Variants in RAD18 observed in about 807,000 individuals in gnomAD.
RAD18 encodes the protein E3 ubiquitin-protein ligase RAD18.
Under a neutral mutation model 60.4 loss-of-function variants are expected in RAD18, and 47 were observed. The ratio of observed to expected loss-of-function variants is 0.78; its 90% CI spans 0.62 to 0.99. The LOEUF (loss-of-function observed/expected upper bound fraction) is 0.99. Among genes scored for constraint, RAD18 ranks in the 50% least tolerant of loss-of-function variants. RAD18 has a pLI of 0.00. For synonymous variants in RAD18, 225 were observed against 195.5 expected, an observed-to-expected ratio of 1.15 and a Z score of -1.26; for missense variants, 640 against 593.3, an observed-to-expected ratio of 1.08 and a Z score of -0.82.
chr3:8,935,308 C>T (rs920363345), intron 7 of RAD18, among the ~76,000 whole-genome samples: 1 of 152,132 alleles, frequency 6.6e-6, no homozygotes, highest in Non-Finnish European at 1.5e-5. Flanking sequence ...CTAAATAGTG[C>T]ACTACACAGA....
At chr3:8,913,762 T>C (rs779473667) in intron 7 of RAD18, 42 bp from the exon 8 acceptor site, 1 of 1,278,390 alleles carries the variant, frequency 7.8e-7, no homozygotes, top group East Asian at 2.4e-5. Context: ...ATCACATGTC[T>C]TTTTTAATCA....
chr3:8,956,217 C>T lies in RAD18; in HGVS notation c.133+2703G>A, dbSNP rs368013639. Among the ~76,000 whole-genome samples the T allele has an allele frequency of 5.3e-5, 8 of 152,114 alleles. No homozygotes were observed. The South Asian group carries it at 1.7e-3, about 32-fold the overall frequency. On this transcript the variant is annotated intron_variant, in intron 2 of 12. Transcript: ENST00000264926. Reference sequence around the variant, plus strand: ...TTTTATGGTTTCTCTTTGTCATATCCGAATTGCCAGCATCATTACTCTTGT... The same window carrying T: ...TTTTATGGTTTCTCTTTGTCATATCTGAATTGCCAGCATCATTACTCTTGT...
chr3:8,940,388 A>T (rs1254278186), intron 5 of RAD18, among the ~76,000 whole-genome samples: 1 of 152,228 alleles, frequency 6.6e-6, no homozygotes, highest in Admixed American at 6.5e-5. Context: ...AAGCTAAAAA[A>T]TACTACAATA....
intron 1 of RAD18, among the ~76,000 whole-genome samples, chr3:8,960,412 G>C (rs1457759965): frequency 6.6e-6 from 1 of 152,154 alleles, no homozygotes; most frequent in Non-Finnish European, 1.5e-5. Flanking sequence ...AACATGGTAA[G>C]AAGGAGACTT....
intron 7 of RAD18, among the ~76,000 whole-genome samples, chr3:8,932,462 CACT>C (rs1275979234): frequency 1.1e-4 from 17 of 152,208 alleles, no homozygotes; most frequent in Middle Eastern, 6.8e-3. Context: ...CATGAGATAC[CACT>C]ACTACACATT....
At chr3:8,958,543 T>A (rs1941047118) in intron 2 of RAD18, among the ~76,000 whole-genome samples, 1 of 152,238 alleles carries the variant, frequency 6.6e-6, no homozygotes, top group African/African-American at 2.4e-5. Context: ...TACAGATTTT[T>A]AAACTTTGAA....
chr3:8,906,961 C>T (rs1435988955), intron 9 of RAD18, among the ~76,000 whole-genome samples: 10 of 152,238 alleles, frequency 6.6e-5, no homozygotes. Context: ...GGCTTTGTTA[C>T]TGATTTCTAA....
At chr3:8,940,246 C>T (rs1002780035) in intron 5 of RAD18, among the ~76,000 whole-genome samples, 2 of 151,978 alleles carry the variant, frequency 1.3e-5, no homozygotes, top group Admixed American at 1.3e-4. Context: ...GCCTACAGAC[C>T]ACCATGGATA....
At chr3:8,896,649 G>A (rs1939790197) in intron 11 of RAD18, among the ~76,000 whole-genome samples, 1 of 152,136 alleles carries the variant, frequency 6.6e-6, no homozygotes, top group Admixed American at 6.5e-5. Flanking sequence ...CTGTTCAACG[G>A]TGTATTCATA....
At chr3:8,945,514 C>T (rs1211494797) in intron 4 of RAD18, among the ~76,000 whole-genome samples, 1 of 136,936 alleles carries the variant, frequency 7.3e-6, no homozygotes, top group Non-Finnish European at 1.5e-5. Context: ...ACTCTGTCGC[C>T]AGGCTGGAGT....
Position 8,958,944 on chromosome 3 carries a change from T to C in RAD18, c.109A>G (p.Ile37Val), listed in dbSNP as rs770272951. 6.2e-7 allele frequency: 1 copy of C among 1,613,716 alleles called. No homozygotes were observed. The highest frequency in any genetic ancestry group is 8.5e-7 in the Non-Finnish European group (1 of 1,179,692). Residue 37 changes from isoleucine (I) to valine (V), a missense_variant, in exon 2 of 13, where the codon ATA (isoleucine) becomes GTA (valine). Physicochemically the swap from Ile to Val is conservative, Grantham distance 29. Coordinates refer to ENST00000264926, the MANE Select transcript of RAD18 (RefSeq NM_020165.4). ...CAGTTATGTGAACACTGAGGTATTATCATTGCAATGTTGAAATACTCGAAG... is the reference window on the plus strand; with the variant it reads ...CAGTTATGTGAACACTGAGGTATTACCATTGCAATGTTGAAATACTCGAAG... Reference protein sequence around the residue: ...ICFEYFNIAMIIPQCSHNYCS... With the variant: ...ICFEYFNIAMVIPQCSHNYCS...
chr3:8,941,057 G>C (rs1279145917), intron 5 of RAD18, among the ~76,000 whole-genome samples: 1 of 152,176 alleles, frequency 6.6e-6, no homozygotes, highest in Non-Finnish European at 1.5e-5. Flanking sequence ...CAATAAGGCG[G>C]GATGACTAGG....
chr3:8,960,472 A>C (rs187979688), intron 1 of RAD18, among the ~76,000 whole-genome samples: 7 of 152,326 alleles, frequency 4.6e-5, no homozygotes, highest in Admixed American at 4.6e-4. Flanking sequence ...TATTACCTGA[A>C]TTTTAAAAAT....
intron 10 of RAD18, among the ~76,000 whole-genome samples, chr3:8,901,259 A>G (rs912580955): frequency 6.6e-5 from 10 of 152,208 alleles, no homozygotes; most frequent in Admixed American, 5.9e-4. Context: ...ACTATGGAAA[A>G]GTTTAACGAT....
At chr3:8,914,895 T>C (rs1940170648) in intron 7 of RAD18, among the ~76,000 whole-genome samples, 1 of 152,060 alleles carries the variant, frequency 6.6e-6, no homozygotes, top group Non-Finnish European at 1.5e-5. Flanking sequence ...TCCCAGCACT[T>C]TGAGAGGCCG....
At chr3:8,890,205 G>A (rs1939661348) in intron 12 of RAD18, 184 bp downstream of exon 12, 4 of 578,510 alleles carry the variant, frequency 6.9e-6, no homozygotes, top group African/African-American at 5.6e-5. Flanking sequence ...TTATTACATA[G>A]GATTCCATTT....
intron 12 of RAD18, among the ~76,000 whole-genome samples, chr3:8,886,324 G>T (rs1458684742): frequency 6.6e-6 from 1 of 152,198 alleles, no homozygotes; most frequent in Non-Finnish European, 1.5e-5. Flanking sequence ...AATGAGGCAT[G>T]TCTGACCTCC....
intron 2 of RAD18, among the ~76,000 whole-genome samples, chr3:8,953,898 T>C (rs1341111418): frequency 2.0e-5 from 3 of 152,218 alleles, no homozygotes; most frequent in African/African-American, 7.2e-5. Flanking sequence ...TTTTATTTCA[T>C]TTTTTAAAAC....
At chr3:8,886,044 G>C (rs1046657224) in intron 12 of RAD18, among the ~76,000 whole-genome samples, 1 of 152,204 alleles carries the variant, frequency 6.6e-6, no homozygotes, top group Admixed American at 6.5e-5. Context: ...CAGTTGTATA[G>C]ATGTGCTACA....
Sources: gnomAD v4.1 joint callset for allele counts (sites outside exome capture counted in the v4.1 genomes callset) on GRCh38, gnomAD v4.1.1 for gene constraint, MANE v1.5 for transcripts, NCBI Gene and HGNC (gene_info 2026-07-23, HGNC 2026-07-21) for gene names.